The following POT1 variants were observed in gnomAD, a reference collection of about 807,000 sequenced individuals.
POT1 encodes the protein protection of telomeres 1.
POT1 carries 47 observed loss-of-function variants against 78.5 expected under a neutral mutation model. The observed-to-expected ratio is 0.60, with a 90% confidence interval of 0.47 to 0.76. POT1 has a LOEUF of 0.76. POT1 is among the 30% of genes least tolerant of loss of function. POT1 has a pLI of 0.00. For synonymous variants in POT1, 259 were observed against 260.7 expected (o/e 0.99, Z 0.06); for missense variants, 646 against 749.9 (o/e 0.86, Z 1.62).
At chr7:124,904,351 C>A (rs1796703712) in intron 3 of POT1, among the ~76,000 whole-genome samples, 1 of 152,148 alleles carries the variant, frequency 6.6e-6, no homozygotes, top group Non-Finnish European at 1.5e-5. Flanking sequence ...ATACACAAAT[C>A]AATAAACGTA....
intron 8 of POT1, among the ~76,000 whole-genome samples, chr7:124,862,414 G>A (rs922345649): frequency 1.3e-5 from 2 of 152,160 alleles, no homozygotes; most frequent in African/African-American, 4.8e-5. Context: ...ACCTAGATTC[G>A]CTCTAAGTTT....
intron 6 of POT1, among the ~76,000 whole-genome samples, chr7:124,878,820 C>A (rs576818743): frequency 9.2e-5 from 14 of 151,678 alleles, no homozygotes; most frequent in African/African-American, 3.4e-4. Flanking sequence ...ATAGAGATAG[C>A]CAAAGAATGG....
intron 11 of POT1, chr7:124,848,698 A>T (rs1199553271): frequency 5.8e-6 from 1 of 171,082 alleles, no homozygotes; most frequent in African/African-American, 2.4e-5. Flanking sequence ...GATATGTAGA[A>T]ATAAATACAC....
intron 6 of POT1, among the ~76,000 whole-genome samples, chr7:124,886,253 C>T (rs1796240830): frequency 6.6e-6 from 1 of 152,114 alleles, no homozygotes; most frequent in Non-Finnish European, 1.5e-5. Context: ...TAAATGTGAA[C>T]TGCATAAAGG....
chr7:124,909,464 T>G (rs1354904461), intron 3 of POT1, among the ~76,000 whole-genome samples: 1 of 151,818 alleles, frequency 6.6e-6, no homozygotes, highest in Non-Finnish European at 1.5e-5. Flanking sequence ...AAGCAAAAAG[T>G]TTTACCTTTG....
At chr7:124,867,406 C>A (rs1386933727) in intron 7 of POT1, among the ~76,000 whole-genome samples, 1 of 152,018 alleles carries the variant, frequency 6.6e-6, no homozygotes, top group Non-Finnish European at 1.5e-5. Context: ...AATAACTTAC[C>A]TACCACAATT....
chr7:124,857,794 C>G (rs908730830), intron 9 of POT1, among the ~76,000 whole-genome samples: 1 of 152,204 alleles, frequency 6.6e-6, no homozygotes, highest in East Asian at 1.9e-4. Flanking sequence ...GGATGCTACA[C>G]AAGAGCTCGG....
intron 15 of POT1, among the ~76,000 whole-genome samples, chr7:124,829,552 A>G (rs1471898290): frequency 2.6e-5 from 4 of 152,120 alleles, no homozygotes; most frequent in Non-Finnish European, 4.4e-5. Context: ...AAAAGACAGT[A>G]TAAGATTCAG....
intron 6 of POT1, among the ~76,000 whole-genome samples, chr7:124,885,818 G>C (rs1249059613): frequency 6.6e-6 from 1 of 151,768 alleles, no homozygotes; most frequent in Non-Finnish European, 1.5e-5. Context: ...AATAAATTTT[G>C]ATGATAAAAG....
intron 3 of POT1, among the ~76,000 whole-genome samples, chr7:124,909,445 C>T (rs1020672818): frequency 6.6e-6 from 1 of 151,844 alleles, no homozygotes; most frequent in Non-Finnish European, 1.5e-5. Flanking sequence ...GGAGAAAACT[C>T]ATTCCTTTAA....
At position 124,846,954 on chromosome 7, in the gene POT1, G is replaced by A. The variant is rs138223484; in HGVS notation, c.994C>T (p.Leu332=). The A allele has an allele frequency of 9.4e-6, 15 of 1,602,244 alleles. No individual in the cohort carries two copies. Among genetic ancestry groups the A allele is most frequent in the Non-Finnish European group, 1.7e-6 (2 of 1,169,624 alleles). Residue 332 remains leucine (L), a synonymous_variant, in exon 12 of 19, where the codon CTA becomes TTA. Coordinates refer to ENST00000357628, the MANE Select transcript of POT1 (RefSeq NM_015450.3). ...SLYEVERCQQ[L]SATILTDHQY... is the part of the protein sequence containing the mutation. ...TACATAGTCTTACTTGTAGCAGATA[G>A]CTGTTGACATCTTTCTACCTCGTAT...
At chr7:124,895,803 A>G (rs1033100616) in intron 5 of POT1, among the ~76,000 whole-genome samples, 1 of 151,654 alleles carries the variant, frequency 6.6e-6, no homozygotes, top group Non-Finnish European at 1.5e-5. Context: ...TATATTTGAA[A>G]ATCCAGGAGG....
chr7:124,867,043 T>TAA (rs1795744047), intron 7 of POT1, among the ~76,000 whole-genome samples: 1 of 152,228 alleles, frequency 6.6e-6, no homozygotes, highest in Non-Finnish European at 1.5e-5. Context: ...TACTGTTGAC[T>TAA]AAAGCTTGCC....
chr7:124,886,396 T>G (rs1409356367), intron 6 of POT1, among the ~76,000 whole-genome samples: 1 of 152,184 alleles, frequency 6.6e-6, no homozygotes, highest in Non-Finnish European at 1.5e-5. Context: ...ACATCTATTC[T>G]TGTACTTCTC....
chr7:124,857,354 C>T (rs571086034), intron 9 of POT1, among the ~76,000 whole-genome samples: 71 of 152,326 alleles, frequency 4.7e-4, no homozygotes, highest in Admixed American at 2.9e-3. Context: ...GGAAATTCTA[C>T]GCAGAAGAGG....
chr7:124,895,737 A>C (rs903005351), intron 5 of POT1, among the ~76,000 whole-genome samples: 1 of 151,716 alleles, frequency 6.6e-6, no homozygotes. Flanking sequence ...TAAATGAAGT[A>C]CAGAAGTTGG....
intron 6 of POT1, among the ~76,000 whole-genome samples, chr7:124,884,781 G>C (rs1033868557): frequency 1.3e-5 from 2 of 152,130 alleles, no homozygotes; most frequent in Admixed American, 1.3e-4. Flanking sequence ...TTATGATATT[G>C]ATCAAGCAAG....
chr7:124,914,810 C>T (rs888977433), intron 3 of POT1, among the ~76,000 whole-genome samples: 5 of 152,106 alleles, frequency 3.3e-5, no homozygotes, highest in African/African-American at 1.2e-4. Context: ...TGAGCATCCA[C>T]AGATTTTTAT....
intron 14 of POT1, 35 bp downstream of exon 14, chr7:124,840,938 A>C (rs1272636216): frequency 5.5e-6 from 8 of 1,466,096 alleles, no homozygotes; most frequent in Non-Finnish European, 7.6e-6. Context: ...ATGCAAAAGG[A>C]GTATTCTAAC....
Sources: allele counts gnomAD v4.1 joint callset (sites outside exome capture counted in the v4.1 genomes callset), GRCh38; gene constraint gnomAD v4.1.1; transcripts MANE v1.5; gene names NCBI Gene and HGNC (gene_info 2026-07-23, HGNC 2026-07-21).